DCAF5: variants seen among roughly 807,000 people sequenced by gnomAD.
DCAF5 encodes the protein DDB1- and CUL4-associated factor 5.
DCAF5 carries 9 observed loss-of-function variants against 80.7 expected under a neutral mutation model. That is an observed-to-expected ratio of 0.11 (90% confidence interval 0.07 to 0.19). The LOEUF (loss-of-function observed/expected upper bound fraction) is 0.19, where lower values mean the gene tolerates loss of function less well. Ranked by LOEUF, DCAF5 falls within the 10% of genes least tolerant of loss-of-function variation. The probability of loss-of-function intolerance (pLI) is 1.00; values close to 1 mark genes in which losing one functional copy is unlikely to be tolerated. For missense variants in DCAF5, 842 were observed against 1,205.7 expected (o/e 0.70, Z 4.47); for synonymous variants, 433 against 461.9 (o/e 0.94, Z 0.80).
At chr14:69,141,426 C>T (rs576937334) in intron 1 of DCAF5, among the ~76,000 whole-genome samples, 36 of 152,086 alleles carry the variant, frequency 2.4e-4, no homozygotes, top group African/African-American at 8.4e-4. Context: ...CATATGTATA[C>T]ATGTGCCATG....
At chr14:69,146,317 T>C (rs1566793126) in intron 1 of DCAF5, among the ~76,000 whole-genome samples, 1 of 152,236 alleles carries the variant, frequency 6.6e-6, no homozygotes, top group African/African-American at 2.4e-5. Context: ...CTAGGTTATT[T>C]TAAAGTAGAA....
Position 69,054,084 on chromosome 14 carries a change from C to G in DCAF5, c.2602G>C (p.Asp868His), listed in dbSNP as rs1390379624. 2 of 1,614,112 alleles carry G rather than the reference C, an allele frequency of 1.2e-6. No homozygotes were observed. Among genetic ancestry groups the G allele is most frequent in the East Asian group, 4.5e-5 (2 of 44,896 alleles). ...CCTGTCAGGGACGAGTTATCACGGT[C>G]AGTGTCTGAGTGTCCTGGGGAAGAG... ...AYSSPGHSDT[D>H]RDNSSLTGTL... The change falls in exon 9 of 9, where the codon GAC becomes CAC. Residue 868 changes from aspartate to histidine, a missense_variant. Physicochemically the swap from Asp to His is moderately conservative, Grantham distance 81. Transcript: ENST00000341516.
In DCAF5 at chr14:69,054,556, G is replaced by A. The variant is rs1400771443; in HGVS notation, c.2130C>T (p.Ala710=). The A allele has an allele frequency of 1.9e-6, 3 of 1,614,072 alleles. No homozygotes were observed. Among genetic ancestry groups the A allele is most frequent in the Non-Finnish European group, 1.7e-6 (2 of 1,180,036 alleles). The change falls in exon 9 of 9, where the codon GCC becomes GCT. Residue 710 remains alanine (A), a synonymous_variant. Coordinates refer to ENST00000341516, the MANE Select transcript of DCAF5 (RefSeq NM_003861.3). ...TCTGGGCCATTGCTATGTTTAGACAGGCTTCCTTACTGGAAGAAGGGGCTG... is the reference window on the plus strand; with the variant it reads ...TCTGGGCCATTGCTATGTTTAGACAAGCTTCCTTACTGGAAGAAGGGGCTG... ...DNPAPSSSKE[A]CLNIAMAQRN...
intron 2 of DCAF5, 79 bp downstream of exon 2, chr14:69,122,138 A>C (rs2040742203): frequency 2.0e-6 from 3 of 1,529,302 alleles, no homozygotes; most frequent in Non-Finnish European, 2.7e-6. Flanking sequence ...CAGGAAGAAA[A>C]ATAAGGAGTT....
chr14:69,075,638 C>T (rs150239157), intron 6 of DCAF5, among the ~76,000 whole-genome samples: 31 of 152,212 alleles, frequency 2.0e-4, no homozygotes, highest in African/African-American at 4.1e-4. Flanking sequence ...CACGCCACCA[C>T]GCCCAGCTAA....
chr14:69,135,142 A>G (rs1477519113), intron 1 of DCAF5, among the ~76,000 whole-genome samples: 3 of 152,228 alleles, frequency 2.0e-5, no homozygotes, highest in African/African-American at 7.2e-5. Context: ...AGGTCTGCAA[A>G]GTCAAAATTT....
At chr14:69,072,500 T>C (rs2038729305) in intron 7 of DCAF5, among the ~76,000 whole-genome samples, 1 of 151,132 alleles carries the variant, frequency 6.6e-6, no homozygotes, top group Non-Finnish European at 1.5e-5. Context: ...CCTAGATACT[T>C]GGGAGGCTTA....
chr14:69,140,095 G>A (rs924084411), intron 1 of DCAF5, among the ~76,000 whole-genome samples: 1 of 151,846 alleles, frequency 6.6e-6, no homozygotes, highest in South Asian at 2.1e-4. Flanking sequence ...GAGAAATCTC[G>A]TCTCTACTAA....
In DCAF5 at chr14:69,052,795, T is replaced by A. The variant is rs558343878; in HGVS notation, c.*1062A>T. The A allele has an allele frequency of 6.6e-6, 1 of 152,382 alleles. No individual in the cohort carries two copies. The highest frequency in any genetic ancestry group is 2.1e-4 in the South Asian group (1 of 4,830). The allele number at this position is 152,382 out of a possible 1,614,324, so 9.4% of individuals were successfully genotyped here. On this transcript the variant is annotated 3_prime_UTR_variant, in exon 9 of 9. Coordinates refer to ENST00000341516, the MANE Select transcript of DCAF5 (RefSeq NM_003861.3). ...TGAGAACACCACAGCCTCTATCAAC[T>A]GCAAGTCTGAGGGAAGATGCCAGTC...
intron 5 of DCAF5, among the ~76,000 whole-genome samples, chr14:69,107,291 C>T (rs61981646): frequency 8.5e-5 from 13 of 152,094 alleles, no homozygotes; most frequent in African/African-American, 3.1e-4. Flanking sequence ...TGGCCTAAAC[C>T]CCAAAGACCC....
At position 69,153,046 on chromosome 14, in the gene DCAF5, C is replaced by T. The variant is rs2041757539; in HGVS notation, c.-68G>A. 2.4e-6 allele frequency: 3 copies of T among 1,254,900 alleles called. No homozygotes were observed. The highest frequency in any genetic ancestry group is 1.6e-5 in the African/African-American group (1 of 62,720). The allele number at this position is 1,254,900 out of a possible 1,614,324, so 77.7% of individuals were successfully genotyped here. A position where few individuals can be genotyped will look rare whatever the true frequency, so the allele number is the denominator to read the frequency against. On this transcript the variant is annotated 5_prime_UTR_variant, in exon 1 of 9. Coordinates refer to ENST00000341516, the MANE Select transcript of DCAF5 (RefSeq NM_003861.3). ...TCGGCCTCACGCGCGGCCGCTGCTC[C>T]CCCCACCCGGCCCTCCCCCCGCGCT...
At chr14:69,085,882 GATCTCT>G (rs1173240651) in intron 6 of DCAF5, among the ~76,000 whole-genome samples, 1 of 152,190 alleles carries the variant, frequency 6.6e-6, no homozygotes, top group Non-Finnish European at 1.5e-5. Context: ...ATCATTGCTT[GATCTCT>G]ATAACACAGT....
At chr14:69,140,658 C>T (rs1157249869) in intron 1 of DCAF5, among the ~76,000 whole-genome samples, 1 of 152,012 alleles carries the variant, frequency 6.6e-6, no homozygotes, top group African/African-American at 2.4e-5. Flanking sequence ...TACAAGTAAA[C>T]AGTATAATAA....
At chr14:69,115,900 A>G (rs904470510) in intron 5 of DCAF5, among the ~76,000 whole-genome samples, 11 of 152,182 alleles carry the variant, frequency 7.2e-5, no homozygotes, top group Non-Finnish European at 1.6e-4. Context: ...TATAATTTTC[A>G]TATAATTTTG....
chr14:69,108,929 T>G (rs2040257519), intron 5 of DCAF5, among the ~76,000 whole-genome samples: 1 of 152,174 alleles, frequency 6.6e-6, no homozygotes, highest in African/African-American at 2.4e-5. Context: ...TTTGTCCCTT[T>G]AAGGCAGCTC....
At chr14:69,151,057 C>T (rs2041686742) in intron 1 of DCAF5, among the ~76,000 whole-genome samples, 4 of 152,140 alleles carry the variant, frequency 2.6e-5, no homozygotes, top group Admixed American at 2.6e-4. Flanking sequence ...TGTAATACAT[C>T]GGGAGTTTTA....
chr14:69,056,893 C>A (rs1465071559), intron 8 of DCAF5, among the ~76,000 whole-genome samples: 1 of 152,204 alleles, frequency 6.6e-6, no homozygotes, highest in Non-Finnish European at 1.5e-5. Flanking sequence ...AACTCAGATT[C>A]ATTCCTCCTT....
At chr14:69,136,793 C>G (rs72720218) in intron 1 of DCAF5, among the ~76,000 whole-genome samples, 8,141 of 152,158 alleles carry the variant, frequency 0.054, 324 homozygotes, top group Non-Finnish European at 0.084. Context: ...GACAGCTCCT[C>G]ATAACAAAGA....
chr14:69,152,147 C>T lies in DCAF5; in HGVS notation c.214+618G>A, dbSNP rs1283321465. ...AACAAGACGCAGAAGAGGCCACAAC[C>T]GAACGAAAGGCGATGGTGCTGGGCC... On this transcript the variant is annotated intron_variant, in intron 1 of 8. Transcript: ENST00000341516. This position sits in a 1 kb window ranked among gnomAD's most constrained non-coding sequence, Gnocchi z 4.1. Among the ~76,000 whole-genome samples, 1 of 152,232 alleles carries T rather than the reference C, an allele frequency of 6.6e-6. No homozygotes were observed. Among genetic ancestry groups the T allele is most frequent in the Admixed American group, 6.5e-5 (1 of 15,294 alleles).
Sources: allele counts gnomAD v4.1 joint callset (sites outside exome capture counted in the v4.1 genomes callset), GRCh38; gene constraint gnomAD v4.1.1; non-coding constraint Gnocchi (gnomAD v3.1); transcripts MANE v1.5; gene names NCBI Gene and HGNC (gene_info 2026-07-23, HGNC 2026-07-21).